Variants in ATG7 observed in about 807,000 individuals in gnomAD.
ATG7 encodes ubiquitin-like modifier-activating enzyme ATG7.
In ATG7, 70 loss-of-function variants were observed where a neutral mutation model predicts 82.4. The ratio of observed to expected loss-of-function variants is 0.85; its 90% confidence interval spans 0.70 to 1.04. ATG7 has a LOEUF of 1.04. ATG7 is among the 50% of genes least tolerant of loss of function. The probability of loss-of-function intolerance (pLI) is 0.00; values close to 1 mark genes in which losing one functional copy is unlikely to be tolerated. For synonymous variants in ATG7, 287 were observed against 313.0 expected, an observed-to-expected ratio of 0.92 and a Z score of 0.88; for missense variants, 792 against 864.3, an observed-to-expected ratio of 0.92 and a Z score of 1.05.
chr3:11,502,845 C>T lies in ATG7; in HGVS notation c.2080-51966C>T, dbSNP rs963903658. 8.5e-5 allele frequency among the ~76,000 whole-genome samples: 13 copies of T among 152,230 alleles called. 2 individuals are homozygous for T. Among genetic ancestry groups the T allele is most frequent in the Admixed American group, 7.9e-4 (12 of 15,278 alleles). On this transcript the variant is annotated intron_variant, in intron 20 of 20. Transcript: ENST00000693202. ...CCTAAGAAGCAATTAGATCCCCAGG[C>T]CCCCACCTTAGCTTTTGTGCAATAG...
intron 20 of ATG7, among the ~76,000 whole-genome samples, chr3:11,538,874 C>CA (rs60200228): frequency 2.9e-5 from 4 of 140,190 alleles, no homozygotes; most frequent in African/African-American, 2.7e-5. Context: ...ACTCTTGTCT[C>CA]AAAAAAAAAG....
At chr3:11,326,294 T>TTTG (rs138143676) in intron 9 of ATG7, among the ~76,000 whole-genome samples, 5,647 of 151,496 alleles carry the variant, frequency 0.037, 119 homozygotes, top group African/African-American at 0.05. Context: ...CTGTTTTTTT[T>TTTG]TTGTTGTTGT....
At chr3:11,386,908 C>T (rs1019562927) in intron 19 of ATG7, among the ~76,000 whole-genome samples, 11 of 152,214 alleles carry the variant, frequency 7.2e-5, no homozygotes, top group Non-Finnish European at 1.6e-4. Flanking sequence ...AAGCCTTAAC[C>T]TCAGAACTCT....
At chr3:11,553,172 G>C (rs973560514) in intron 20 of ATG7, among the ~76,000 whole-genome samples, 1 of 152,086 alleles carries the variant, frequency 6.6e-6, no homozygotes, top group African/African-American at 2.4e-5. Flanking sequence ...AGCCCGCCCC[G>C]CCCTTTTCCA....
intron 8 of ATG7, among the ~76,000 whole-genome samples, chr3:11,313,827 T>C (rs1949025478): frequency 1.3e-5 from 2 of 152,148 alleles, no homozygotes; most frequent in African/African-American, 2.4e-5. Context: ...CTTCAACACC[T>C]GGGCTCAAGC....
At chr3:11,433,381 A>C (rs1358777264) in intron 20 of ATG7, among the ~76,000 whole-genome samples, 1 of 152,048 alleles carries the variant, frequency 6.6e-6, no homozygotes, top group Non-Finnish European at 1.5e-5. Context: ...ATGTTCCACA[A>C]AAATTTGCTG....
At chr3:11,542,366 G>C (rs1258956974) in intron 20 of ATG7, among the ~76,000 whole-genome samples, 1 of 152,234 alleles carries the variant, frequency 6.6e-6, no homozygotes, top group Non-Finnish European at 1.5e-5. Context: ...GGGAGACCTA[G>C]AGCAGCCTGT....
At chr3:11,450,696 T>A (rs1374410777) in intron 20 of ATG7, among the ~76,000 whole-genome samples, 1 of 152,202 alleles carries the variant, frequency 6.6e-6, no homozygotes, top group Non-Finnish European at 1.5e-5. Context: ...GGATATTAAA[T>A]TTTTGCACAT....
At chr3:11,330,893 T>C (rs1462494440) in intron 9 of ATG7, among the ~76,000 whole-genome samples, 1 of 152,194 alleles carries the variant, frequency 6.6e-6, no homozygotes, top group African/African-American at 2.4e-5. Flanking sequence ...AGTAACTGGC[T>C]GTTTAACTTG....
Position 11,527,824 on chromosome 3 carries a change from C to T in ATG7, c.2080-26987C>T, listed in dbSNP as rs565547081. Among the ~76,000 whole-genome samples, 102 of 152,326 alleles carry T rather than the reference C, an allele frequency of 6.7e-4. 2 individuals carry two copies. Among genetic ancestry groups the T allele is most frequent in the African/African-American group, 2.4e-3 (100 of 41,576 alleles). On this transcript the variant is annotated intron_variant, in intron 20 of 20. Transcript: ENST00000693202. Reference sequence around the variant, plus strand: ...ATATAAGGCCTTTCAGATGTCTTTTCTATTTCAGATGTTGTAACAGCCAAC... The same window carrying T: ...ATATAAGGCCTTTCAGATGTCTTTTTTATTTCAGATGTTGTAACAGCCAAC...
chr3:11,517,637 G>A (rs1049493751), intron 20 of ATG7, among the ~76,000 whole-genome samples: 8 of 152,186 alleles, frequency 5.3e-5, no homozygotes, highest in Admixed American at 2.6e-4. Context: ...AGAGGTTTTC[G>A]AGAGGAAGAT....
At chr3:11,439,431 G>A (rs1288563467) in intron 20 of ATG7, among the ~76,000 whole-genome samples, 1 of 152,164 alleles carries the variant, frequency 6.6e-6, no homozygotes, top group African/African-American at 2.4e-5. Context: ...GGAAGGGAAT[G>A]TGAAATATCC....
intron 18 of ATG7, among the ~76,000 whole-genome samples, chr3:11,371,671 A>G (rs1289065332): frequency 6.6e-6 from 1 of 151,186 alleles, no homozygotes; most frequent in Non-Finnish European, 1.5e-5. Flanking sequence ...CTCCAGGGAC[A>G]TTAGGCATTT....
chr3:11,378,685 CAAAAAAAAAA>C (rs368506515), intron 18 of ATG7, among the ~76,000 whole-genome samples: 1 of 78,968 alleles, frequency 1.3e-5, no homozygotes, highest in African/African-American at 7.0e-5. Context: ...ACTCCATCTC[CAAAAAAAAAA>C]AAAAAAAAAA....
At chr3:11,371,448 C>A (rs1393015186) in intron 18 of ATG7, among the ~76,000 whole-genome samples, 1 of 150,904 alleles carries the variant, frequency 6.6e-6, no homozygotes, top group Admixed American at 6.6e-5. Context: ...CCGTTGAACG[C>A]TGAGGTGTGA....
At chr3:11,276,097 C>G (rs1015904265) in intron 1 of ATG7, among the ~76,000 whole-genome samples, 1 of 152,186 alleles carries the variant, frequency 6.6e-6, no homozygotes, top group African/African-American at 2.4e-5. Context: ...CTCCCCATAT[C>G]CTCAGGCAGC....
chr3:11,457,858 T>C (rs1239338996), intron 20 of ATG7, among the ~76,000 whole-genome samples: 1 of 152,152 alleles, frequency 6.6e-6, no homozygotes, highest in Admixed American at 6.5e-5. Context: ...TTGAGCTCCT[T>C]GAAGGGCAAG....
intron 1 of ATG7, among the ~76,000 whole-genome samples, chr3:11,279,035 A>C (rs1319223066): frequency 6.6e-6 from 1 of 152,114 alleles, no homozygotes; most frequent in Non-Finnish European, 1.5e-5. Flanking sequence ...GATGATGTGG[A>C]GCTGAGTCAG....
chr3:11,378,128 C>T (rs1289619813), intron 18 of ATG7, among the ~76,000 whole-genome samples: 1 of 146,172 alleles, frequency 6.8e-6, no homozygotes, highest in African/African-American at 2.6e-5. Flanking sequence ...ATTCTCCTGC[C>T]TCAGCCTCCC....
Sources: allele counts gnomAD v4.1 joint callset (sites outside exome capture counted in the v4.1 genomes callset), GRCh38; gene constraint gnomAD v4.1.1; transcripts MANE v1.5; gene names NCBI Gene and HGNC (gene_info 2026-07-23, HGNC 2026-07-21).